The following ADSS1 variants were observed in gnomAD, a reference collection of about 807,000 sequenced individuals.
The protein encoded by ADSS1 is adenylosuccinate synthetase isozyme 1.
In ADSS1, 57 loss-of-function variants were observed where a neutral mutation model predicts 59.1. The observed-to-expected ratio is 0.97, with a 90% CI of 0.78 to 1.20. The LOEUF is 1.20. ADSS1 is among the 50% of genes most tolerant of loss of function. The probability of loss-of-function intolerance (pLI) is 0.00; values close to 1 mark genes in which losing one functional copy is unlikely to be tolerated. For synonymous variants in ADSS1, 247 were observed against 249.4 expected, an observed-to-expected ratio of 0.99 and a Z score of 0.09; for missense variants, 603 against 610.3, an observed-to-expected ratio of 0.99 and a Z score of 0.13.
chr14:104,730,122 C>T (rs1890868126), intron 1 of ADSS1: 2 of 1,548,156 alleles, frequency 1.3e-6, no homozygotes, highest in Non-Finnish European at 1.7e-6. Flanking sequence ...GAGGAGAGGG[C>T]TTGGAGGAGC....
chr14:104,733,209 C>T (rs997134472), intron 1 of ADSS1, among the ~76,000 whole-genome samples: 3 of 152,188 alleles, frequency 2.0e-5, no homozygotes, highest in African/African-American at 7.2e-5. Flanking sequence ...CCACCCAGTT[C>T]ACCCAGCACC....
At position 104,735,075 on chromosome 14, in the gene ADSS1, A is replaced by G. The variant is rs149077259; in HGVS notation, c.248A>G (p.His83Arg). Residue 83 changes from histidine to arginine, a missense_variant, in exon 2 of 13, where the codon CAC (histidine) becomes CGC (arginine). Coordinates refer to ENST00000330877, the MANE Select transcript of ADSS1 (RefSeq NM_152328.5). ...GTGGATGGGAAAGAGTACGACTTCC[A>G]CCTGCTGCCCAGCGGCATCATCAAC... Reference protein sequence around the residue: ...VVVDGKEYDFHLLPSGIINTK... With the variant: ...VVVDGKEYDFRLLPSGIINTK... 93 of 1,613,264 alleles carry G rather than the reference A, an allele frequency of 5.8e-5. No homozygotes were observed. Among genetic ancestry groups the G allele is most frequent in the Non-Finnish European group, 7.5e-5 (89 of 1,179,718 alleles).
intron 1 of ADSS1, among the ~76,000 whole-genome samples, chr14:104,732,839 G>A (rs1386207242): frequency 6.6e-6 from 1 of 152,238 alleles, no homozygotes; most frequent in Admixed American, 6.5e-5. Context: ...TGGGCATGAA[G>A]GTACTCCATG....
intron 1 of ADSS1, 24 bp from the exon 2 acceptor site, chr14:104,734,996 A>C: frequency 6.2e-7 from 1 of 1,607,844 alleles, no homozygotes; most frequent in Non-Finnish European, 8.5e-7. Flanking sequence ...AAGTGCCTTC[A>C]GCTCAGCCGG....
At chr14:104,734,040 T>G (rs7142772) in intron 1 of ADSS1, among the ~76,000 whole-genome samples, 77,182 of 152,142 alleles carry the variant, frequency 0.51, 20,096 homozygotes, top group East Asian at 0.64. Flanking sequence ...AAAGGTGCTG[T>G]AGGGATATCC....
At chr14:104,734,557 C>G (rs1891047684) in intron 1 of ADSS1, among the ~76,000 whole-genome samples, 1 of 152,258 alleles carries the variant, frequency 6.6e-6, no homozygotes, top group African/African-American at 2.4e-5. Flanking sequence ...CAGAACAGGG[C>G]TGGCTCAGAA....
Position 104,746,300 on chromosome 14 carries a change from C to T in ADSS1, c.1236C>T (p.Asp412=). ...EYETLPGWKA[D]TTGARRWEDL... Reference sequence around the variant, plus strand: ...AAACGCTGCCTGGGTGGAAAGCAGACACCACAGGCGCCAGGAGGTGGGAGG... The same window carrying T: ...AAACGCTGCCTGGGTGGAAAGCAGATACCACAGGCGCCAGGAGGTGGGAGG... The change falls in exon 12 of 13, where the codon GAC becomes GAT. Residue 412 remains aspartate, a synonymous_variant. Transcript: ENST00000330877. The T allele has an allele frequency of 6.2e-7, 1 of 1,613,796 alleles. No individual in the cohort carries two copies. The highest frequency in any genetic ancestry group is 8.5e-7 in the Non-Finnish European group (1 of 1,179,928).
chr14:104,746,258 G>A lies in ADSS1; in HGVS notation c.1194G>A (p.Lys398=). 1 of 1,612,332 alleles carries A rather than the reference G, an allele frequency of 6.2e-7. No individual in the cohort carries two copies. The change falls in exon 12 of 13, where the codon AAG becomes AAA. Residue 398 remains lysine, a synonymous_variant. Coordinates refer to ENST00000330877, the MANE Select transcript of ADSS1 (RefSeq NM_152328.5). ...CAGCTAACCAGGAGATGCTTCAGAA[G>A]GTCGAAGTTGAGTATGAAACGCTGC... ...YFPANQEMLQ[K]VEVEYETLPG...
chr14:104,732,219 C>A (rs544615923), intron 1 of ADSS1, among the ~76,000 whole-genome samples: 2 of 152,332 alleles, frequency 1.3e-5, no homozygotes, highest in African/African-American at 4.8e-5. Flanking sequence ...TGCCTTTGTG[C>A]AGAGCCCCAG....
At chr14:104,732,330 C>A (rs147034218) in intron 1 of ADSS1, among the ~76,000 whole-genome samples, 2 of 152,210 alleles carry the variant, frequency 1.3e-5, no homozygotes, top group Admixed American at 6.5e-5. Flanking sequence ...GGCAGGAGGA[C>A]TTCTTGTCCC....
At chr14:104,739,304 C>A in intron 3 of ADSS1, 24 bp from the exon 4 acceptor site, 1 of 1,602,942 alleles carries the variant, frequency 6.2e-7, no homozygotes, top group African/African-American at 1.3e-5. Context: ...AACACTGACC[C>A]ACCTGTGTGC....
At chr14:104,726,105 C>T (rs1890712170) in intron 1 of ADSS1, among the ~76,000 whole-genome samples, 1 of 152,242 alleles carries the variant, frequency 6.6e-6, no homozygotes, top group Non-Finnish European at 1.5e-5. Flanking sequence ...CCACCCCCAC[C>T]AGGCCACCCT....
chr14:104,742,904 G>C (rs113953164), intron 9 of ADSS1, among the ~76,000 whole-genome samples, 163 bp from the exon 10 acceptor site: 4 of 152,224 alleles, frequency 2.6e-5, no homozygotes, highest in African/African-American at 7.2e-5. Context: ...AGGCTTACCA[G>C]GGGTGTGGGG....
chr14:104,741,126 G>C lies in ADSS1; in HGVS notation c.676G>C (p.Glu226Gln). ...GQLKRLKGFA[E>Q]RIRPMVRDGV... ...TGGCCCTTCCTTGCAGGGCTTTGCT[G>C]AGCGGATCAGACCCATGGTCCGAGA... Residue 226 changes from glutamate (E) to glutamine (Q), a missense_variant, in exon 8 of 13, where the codon GAG becomes CAG. Physicochemically the swap from Glu to Gln is conservative, Grantham distance 29 (BLOSUM62 2). Coordinates refer to ENST00000330877, the MANE Select transcript of ADSS1 (RefSeq NM_152328.5). The C allele has an allele frequency of 6.2e-7, 1 of 1,604,602 alleles. No individual in the cohort carries two copies. Among genetic ancestry groups the C allele is most frequent in the Non-Finnish European group, 8.5e-7 (1 of 1,174,222 alleles).
chr14:104,728,662 T>C (rs754566592), intron 1 of ADSS1, among the ~76,000 whole-genome samples: 8 of 152,142 alleles, frequency 5.3e-5, no homozygotes, highest in Non-Finnish European at 8.8e-5. Flanking sequence ...TGCCATTGAG[T>C]GCCAGTGCCA....
At chr14:104,728,230 G>C (rs1269310012) in intron 1 of ADSS1, among the ~76,000 whole-genome samples, 2 of 152,164 alleles carry the variant, frequency 1.3e-5, no homozygotes, top group Non-Finnish European at 2.9e-5. Context: ...GGGAGTCAGA[G>C]GGGCAGCTGC....
At chr14:104,736,423 G>A (rs949476600) in intron 2 of ADSS1, among the ~76,000 whole-genome samples, 3 of 152,256 alleles carry the variant, frequency 2.0e-5, no homozygotes, top group Admixed American at 6.5e-5. Context: ...GCGGCAGGAC[G>A]TGCCAGGGCT....
At chr14:104,729,322 C>T (rs971446361) in intron 1 of ADSS1, among the ~76,000 whole-genome samples, 6 of 152,148 alleles carry the variant, frequency 3.9e-5, no homozygotes, top group Admixed American at 6.5e-5. Flanking sequence ...ACGGGGTGGA[C>T]AGGAGCAGGA....
chr14:104,747,117 G>T lies in ADSS1; in HGVS notation c.*114G>T, dbSNP rs937802909. The T allele has an allele frequency of 2.2e-6, 2 of 929,020 alleles. No homozygotes were observed. The highest frequency in any genetic ancestry group is 3.2e-6 in the Non-Finnish European group (2 of 628,552). 57.5% of individuals were successfully genotyped at this position (929,020 alleles called of 1,614,324 possible). A position where few individuals can be genotyped will look rare whatever the true frequency, so the allele number is the denominator to read the frequency against. ...CACCAAAGCAGGAAAACCATTTTCT[G>T]TACTTTTATATTTCTGTTCAACCTG... On this transcript the variant is annotated 3_prime_UTR_variant, in exon 13 of 13. Coordinates refer to ENST00000330877, the MANE Select transcript of ADSS1 (RefSeq NM_152328.5).
Sources: allele counts gnomAD v4.1 joint callset (sites outside exome capture counted in the v4.1 genomes callset), GRCh38; gene constraint gnomAD v4.1.1; transcripts MANE v1.5; gene names NCBI Gene and HGNC (gene_info 2026-07-23, HGNC 2026-07-21).